DLG2: variants seen among roughly 807,000 people sequenced by gnomAD.
DLG2 encodes the protein discs large MAGUK scaffold protein 2.
In DLG2, 45 loss-of-function variants were observed where a neutral mutation model predicts 132.5. The ratio of observed to expected loss-of-function variants is 0.34; its 90% CI spans 0.27 to 0.44. DLG2 has a LOEUF of 0.44. Ranked by LOEUF, DLG2 falls within the 20% of genes least tolerant of loss-of-function variation. The probability of loss-of-function intolerance (pLI) is 1.00; values close to 1 mark genes in which losing one functional copy is unlikely to be tolerated. For missense variants in DLG2, 1,045 were observed against 1,196.9 expected, an observed-to-expected ratio of 0.87 and a Z score of 1.87; for synonymous variants, 424 against 419.6, an observed-to-expected ratio of 1.01 and a Z score of -0.13.
chr11:85,574,652 T>C (rs2078048341), intron 3 of DLG2, among the ~76,000 whole-genome samples: 1 of 152,138 alleles, frequency 6.6e-6, no homozygotes, highest in Admixed American at 6.6e-5. Flanking sequence ...GGTAATGAGT[T>C]ACTGCAAGAT....
chr11:83,700,535 C>T lies in DLG2; in HGVS notation c.1826-67210G>A, dbSNP rs548158999. Among the ~76,000 whole-genome samples the T allele has an allele frequency of 2.6e-5, 4 of 152,120 alleles. No individual in the cohort carries two copies. The South Asian group carries it at 6.2e-4, about 24-fold the overall frequency. On this transcript the variant is annotated intron_variant, in intron 18 of 27. Transcript: ENST00000376104. Reference sequence around the variant, plus strand: ...CTACAAAATGTAGAGAATCAAAATCCAACACATACCAGATCGATCCATGAC... The same window carrying T: ...CTACAAAATGTAGAGAATCAAAATCTAACACATACCAGATCGATCCATGAC...
chr11:83,572,941 C>T (rs1222893773), intron 19 of DLG2, among the ~76,000 whole-genome samples: 1 of 152,170 alleles, frequency 6.6e-6, no homozygotes, highest in Non-Finnish European at 1.5e-5. Context: ...ACCCCTGCCC[C>T]ATCACTTTAC....
chr11:83,568,590 G>C (rs1037728551), intron 19 of DLG2, among the ~76,000 whole-genome samples: 1 of 152,130 alleles, frequency 6.6e-6, no homozygotes, highest in Non-Finnish European at 1.5e-5. Flanking sequence ...ACATTTTAGA[G>C]GAAGAGGGAA....
chr11:85,232,192 T>C (rs1306801750), intron 4 of DLG2, among the ~76,000 whole-genome samples: 1 of 151,994 alleles, frequency 6.6e-6, no homozygotes, highest in Non-Finnish European at 1.5e-5. Context: ...TTATGTTGAA[T>C]GTTGTTTAAT....
At chr11:84,478,151 T>C (rs1202558373) in intron 7 of DLG2, among the ~76,000 whole-genome samples, 6 of 152,162 alleles carry the variant, frequency 3.9e-5, no homozygotes, top group Non-Finnish European at 8.8e-5. Context: ...AGTGCATTGT[T>C]CATTATTACA....
intron 15 of DLG2, among the ~76,000 whole-genome samples, chr11:83,876,175 G>T (rs190736268): frequency 1.3e-5 from 2 of 152,178 alleles, no homozygotes. Flanking sequence ...GATAGTAACA[G>T]GACTTTCCTC....
intron 3 of DLG2, among the ~76,000 whole-genome samples, chr11:85,537,439 T>G (rs895611980): frequency 6.6e-6 from 1 of 152,206 alleles, no homozygotes; most frequent in Admixed American, 6.5e-5. Context: ...CATGAAGGTC[T>G]GCAGGTTCAC....
At chr11:84,251,413 T>G in intron 7 of DLG2, 122 bp from the exon 8 acceptor site, 1 of 649,778 alleles carries the variant, frequency 1.5e-6, no homozygotes, top group South Asian at 2.3e-5. Context: ...ACAGGCACCG[T>G]GTCAAGTGTT....
intron 9 of DLG2, among the ~76,000 whole-genome samples, chr11:84,144,509 T>C (rs2094989879): frequency 1.3e-5 from 2 of 152,248 alleles, no homozygotes; most frequent in South Asian, 4.1e-4. Context: ...GGGTATCAAT[T>C]GGCCTAAATC....
At chr11:84,512,725 G>C (rs1462468366) in intron 7 of DLG2, among the ~76,000 whole-genome samples, 1 of 151,680 alleles carries the variant, frequency 6.6e-6, no homozygotes, top group Non-Finnish European at 1.5e-5. Flanking sequence ...ATATAGCAAA[G>C]TGCTGAGTAA....
chr11:84,009,409 A>T (rs1288309205), intron 11 of DLG2, among the ~76,000 whole-genome samples: 2 of 152,108 alleles, frequency 1.3e-5, no homozygotes, highest in African/African-American at 4.8e-5. Flanking sequence ...TAAAGCTCAC[A>T]TACTAAAATG....
At chr11:84,178,351 C>T (rs968037619) in intron 8 of DLG2, among the ~76,000 whole-genome samples, 6 of 152,048 alleles carry the variant, frequency 3.9e-5, no homozygotes, top group Non-Finnish European at 7.4e-5. Flanking sequence ...AATTTGGGTA[C>T]TTAGAGAGTT....
At chr11:83,849,858 T>A (rs1334695140) in intron 16 of DLG2, among the ~76,000 whole-genome samples, 2 of 151,842 alleles carry the variant, frequency 1.3e-5, no homozygotes, top group Non-Finnish European at 2.9e-5. Context: ...TTACTGTAAA[T>A]GAACTCCCTT....
rs186920791 is a variant in DLG2 at position 85,524,771 on chromosome 11, G to C, written c.40+73886C>G. Among the ~76,000 whole-genome samples, 444 of 152,148 alleles carry C rather than the reference G, an allele frequency of 2.9e-3. 1 individual carries two copies. The highest frequency in any genetic ancestry group is 4.8e-3 in the Non-Finnish European group (328 of 68,018). Reference sequence around the variant, plus strand: ...AGCCTTCCAAAGTGCTGGGATTAGAGGTGTAAGCCACTGTACCCCACTGCT... The same window carrying C: ...AGCCTTCCAAAGTGCTGGGATTAGACGTGTAAGCCACTGTACCCCACTGCT... On this transcript the variant is annotated intron_variant, in intron 3 of 27. Coordinates refer to ENST00000376104, the MANE Select transcript of DLG2 (RefSeq NM_001142699.3).
At chr11:84,791,445 A>G (rs1305518541) in intron 6 of DLG2, among the ~76,000 whole-genome samples, 3 of 152,132 alleles carry the variant, frequency 2.0e-5, no homozygotes, top group Non-Finnish European at 4.4e-5. Context: ...GATTTCATAT[A>G]AATTTTAGGA....
intron 6 of DLG2, among the ~76,000 whole-genome samples, chr11:84,754,875 G>A (rs1427552667): frequency 6.6e-6 from 1 of 152,150 alleles, no homozygotes; most frequent in Admixed American, 6.6e-5. Flanking sequence ...AGGAAACTAT[G>A]CATGTGTGGG....
chr11:84,427,601 T>A (rs2098971184), intron 7 of DLG2, among the ~76,000 whole-genome samples: 1 of 152,180 alleles, frequency 6.6e-6, no homozygotes, highest in Admixed American at 6.5e-5. Context: ...CAGGATAATG[T>A]CCAAATAGGA....
chr11:84,903,098 C>T (rs1835744029), intron 6 of DLG2, among the ~76,000 whole-genome samples: 1 of 152,036 alleles, frequency 6.6e-6, no homozygotes, highest in Non-Finnish European at 1.5e-5. Flanking sequence ...AAATGGTCTT[C>T]CTAAAAGCAC....
intron 6 of DLG2, among the ~76,000 whole-genome samples, chr11:84,703,850 T>C: frequency 1.0e-5 from 1 of 96,450 alleles, no homozygotes; most frequent in Non-Finnish European, 1.9e-5. Flanking sequence ...TAAAACTATG[T>C]AGTGAAGATA....
Sources: gnomAD v4.1 joint callset for allele counts (sites outside exome capture counted in the v4.1 genomes callset) on GRCh38, gnomAD v4.1.1 for gene constraint, MANE v1.5 for transcripts, NCBI Gene and HGNC (gene_info 2026-07-23, HGNC 2026-07-21) for gene names.